LRRC37A2: variants seen among roughly 807,000 people sequenced by gnomAD.
LRRC37A2 encodes the protein leucine rich repeat containing 37 member A2.
A neutral mutation model predicts 68.8 loss-of-function variants in LRRC37A2; 9 were observed. That is an observed-to-expected ratio of 0.13 (90% CI 0.08 to 0.23). The LOEUF (loss-of-function observed/expected upper bound fraction) is 0.23, where lower values mean the gene tolerates loss of function less well. Among genes scored for constraint, LRRC37A2 ranks in the 10% least tolerant of loss-of-function variants. LRRC37A2 has a pLI of 1.00. For missense variants in LRRC37A2, 168 were observed against 950.4 expected, an observed-to-expected ratio of 0.18 and a Z score of 10.82; for synonymous variants, 63 against 367.6, an observed-to-expected ratio of 0.17 and a Z score of 9.48.
At chr17:46,733,139 G>A in the LRRC37A2 span, among the ~76,000 whole-genome samples, 2 of 152,274 alleles carry the variant, frequency 1.3e-5, no homozygotes, top group African/African-American at 4.8e-5. Context: ...TCCTAACGCC[G>A]TCTCTTTTAC....
chr17:46,729,185 T>C, the LRRC37A2 span, among the ~76,000 whole-genome samples: 1 of 152,090 alleles, frequency 6.6e-6, no homozygotes, highest in African/African-American at 2.4e-5. Flanking sequence ...AGCATTGTAT[T>C]TTGTTGTTTT....
chr17:46,872,692 G>A, the LRRC37A2 span: 4 of 1,613,522 alleles, frequency 2.5e-6, no homozygotes, highest in Admixed American at 1.7e-5. Flanking sequence ...TGCGCACCTC[G>A]GCCTGCTTGA....
chr17:47,002,257 C>T, the LRRC37A2 span, among the ~76,000 whole-genome samples: 1 of 151,964 alleles, frequency 6.6e-6, no homozygotes, highest in Non-Finnish European at 1.5e-5. Context: ...TCTGGAATAC[C>T]TGAGATGTTT....
the LRRC37A2 span, among the ~76,000 whole-genome samples, chr17:46,503,375 C>T: frequency 1.3e-5 from 2 of 148,940 alleles, no homozygotes; most frequent in Non-Finnish European, 2.9e-5. Flanking sequence ...GTGCTTTGTT[C>T]TGGGAATGAA....
At chr17:46,684,595 C>T in the LRRC37A2 span, among the ~76,000 whole-genome samples, 2 of 152,058 alleles carry the variant, frequency 1.3e-5, no homozygotes, top group East Asian at 3.9e-4. Flanking sequence ...AGAAATAATG[C>T]CACACATCTA....
At chr17:46,722,273 T>A in the LRRC37A2 span, 1 of 930,912 alleles carries the variant, frequency 1.1e-6, no homozygotes, top group Non-Finnish European at 1.7e-6. Flanking sequence ...GGGGGGAGTC[T>A]GTAAGATACG....
At chr17:46,798,025 T>A in the LRRC37A2 span, among the ~76,000 whole-genome samples, 1 of 152,152 alleles carries the variant, frequency 6.6e-6, no homozygotes, top group Admixed American at 6.5e-5. Context: ...GCCTCCTGGA[T>A]TCAAGCGATT....
chr17:46,847,626 C>T, the LRRC37A2 span, among the ~76,000 whole-genome samples: 1 of 152,140 alleles, frequency 6.6e-6, no homozygotes, highest in Non-Finnish European at 1.5e-5. Flanking sequence ...CAGGACCAGC[C>T]CTCCTGGGCA....
chr17:46,744,658 C>A, the LRRC37A2 span, among the ~76,000 whole-genome samples: 9 of 152,062 alleles, frequency 5.9e-5, 1 homozygote, highest in East Asian at 9.6e-4. Flanking sequence ...ACTTTTGTTA[C>A]AAATCAGTTT....
the LRRC37A2 span, among the ~76,000 whole-genome samples, chr17:46,727,861 A>G: frequency 1.3e-4 from 20 of 152,320 alleles, no homozygotes; most frequent in South Asian, 2.1e-4. Context: ...CATTTATTCA[A>G]TAAGCACTTG....
the LRRC37A2 span, chr17:46,818,596 A>G: frequency 6.3e-7 from 1 of 1,597,914 alleles, no homozygotes; most frequent in Non-Finnish European, 8.5e-7. Context: ...GTGGGGCTCC[A>G]TTAGAAGAGG....
At chr17:46,777,631 T>G in the LRRC37A2 span, among the ~76,000 whole-genome samples, 1 of 152,264 alleles carries the variant, frequency 6.6e-6, no homozygotes, top group African/African-American at 2.4e-5. Flanking sequence ...TAATGACAAC[T>G]ATTTATGTAG....
the LRRC37A2 span, among the ~76,000 whole-genome samples, chr17:46,870,254 A>G: frequency 1.4e-4 from 22 of 152,254 alleles, no homozygotes; most frequent in African/African-American, 5.1e-4. Context: ...TCGGTGTGAG[A>G]AGGAGGACAT....
chr17:46,894,059 T>C, the LRRC37A2 span, among the ~76,000 whole-genome samples: 2 of 152,342 alleles, frequency 1.3e-5, no homozygotes, highest in East Asian at 3.9e-4. Flanking sequence ...ATTTGGAGAA[T>C]GCTTACTGTG....
the LRRC37A2 span, among the ~76,000 whole-genome samples, chr17:46,595,556 T>C: frequency 7.6e-6 from 1 of 132,092 alleles, no homozygotes; most frequent in Non-Finnish European, 1.5e-5. Context: ...AGTGGTGTTA[T>C]CTTGGCCTCA....
chr17:46,800,765 T>C, the LRRC37A2 span, among the ~76,000 whole-genome samples: 2 of 152,152 alleles, frequency 1.3e-5, no homozygotes, highest in Non-Finnish European at 2.9e-5. Flanking sequence ...TGAAAGATGA[T>C]GGAGAACTGG....
chr17:46,726,434 G>A, the LRRC37A2 span: 1 of 908,930 alleles, frequency 1.1e-6, no homozygotes, highest in South Asian at 1.3e-5. Context: ...GTAGTCCAAA[G>A]TGTTGGTGTT....
the LRRC37A2 span, among the ~76,000 whole-genome samples, chr17:46,790,006 T>C: frequency 6.6e-6 from 1 of 152,094 alleles, no homozygotes; most frequent in Non-Finnish European, 1.5e-5. Context: ...GCCCAGCACC[T>C]GGACTTCCCC....
At chr17:46,982,552 C>T in the LRRC37A2 span, among the ~76,000 whole-genome samples, 4 of 152,206 alleles carry the variant, frequency 2.6e-5, no homozygotes, top group African/African-American at 4.8e-5. Flanking sequence ...GAGGAAACAG[C>T]GGCACTGACT....
Sources: gnomAD v4.1 joint callset for allele counts (sites outside exome capture counted in the v4.1 genomes callset) on GRCh38, gnomAD v4.1.1 for gene constraint, MANE v1.5 for transcripts, NCBI Gene and HGNC (gene_info 2026-07-23, HGNC 2026-07-21) for gene names.